C10orf67: variants seen among roughly 807,000 people sequenced by gnomAD.
C10orf67 encodes chromosome 10 open reading frame 67.
In C10orf67, 60 loss-of-function variants were observed where a neutral mutation model predicts 35.6. The ratio of observed to expected loss-of-function variants is 1.68; its 90% CI spans 1.37 to 2.09. C10orf67 has a LOEUF of 2.09. C10orf67 is among the 30% of genes most tolerant of loss of function. C10orf67 has a pLI of 0.00. For missense variants in C10orf67, 474 were observed against 330.2 expected (o/e 1.44, Z -3.38); for synonymous variants, 167 against 115.8 (o/e 1.44, Z -2.84).
At chr10:23,236,041 G>T (rs1842038112) in intron 13 of C10orf67, among the ~76,000 whole-genome samples, 1 of 151,964 alleles carries the variant, frequency 6.6e-6, no homozygotes, top group Admixed American at 6.6e-5. Flanking sequence ...AAGGTCAGGA[G>T]ATCGAGACCA....
chr10:23,282,955 CA>C (rs979150266), intron 7 of C10orf67, among the ~76,000 whole-genome samples: 39 of 140,830 alleles, frequency 2.8e-4, no homozygotes, highest in African/African-American at 8.1e-4. Context: ...GTTAATGGTA[CA>C]AAAAAAAAAC....
intron 10 of C10orf67, among the ~76,000 whole-genome samples, chr10:23,260,595 A>T (rs930859317): frequency 2.6e-5 from 4 of 152,218 alleles, no homozygotes; most frequent in African/African-American, 9.6e-5. Context: ...ATTGGAGAAG[A>T]TTATCCAAAG....
chr10:23,263,098 C>T (rs763978405), intron 10 of C10orf67, among the ~76,000 whole-genome samples: 27 of 152,166 alleles, frequency 1.8e-4, no homozygotes, highest in Admixed American at 9.8e-4. Flanking sequence ...ACTACATTGC[C>T]TAGCGCTGCC....
chr10:23,211,959 G>A (rs1841320763), intron 15 of C10orf67, among the ~76,000 whole-genome samples: 1 of 152,182 alleles, frequency 6.6e-6, no homozygotes, highest in Non-Finnish European at 1.5e-5. Context: ...GAATTGAATT[G>A]TGTCTCCCCA....
chr10:23,245,715 G>A (rs1406392103), intron 12 of C10orf67, among the ~76,000 whole-genome samples: 2 of 152,194 alleles, frequency 1.3e-5, no homozygotes, highest in Non-Finnish European at 2.9e-5. Flanking sequence ...AAGTGCTGGT[G>A]AGGATGTGGA....
At chr10:23,227,363 A>G (rs552612130) in intron 13 of C10orf67, among the ~76,000 whole-genome samples, 1 of 152,340 alleles carries the variant, frequency 6.6e-6, no homozygotes, top group East Asian at 1.9e-4. Flanking sequence ...TAGATGCAGA[A>G]AAGGCCTTTG....
intron 8 of C10orf67, among the ~76,000 whole-genome samples, chr10:23,270,412 C>T (rs536392128): frequency 1.3e-5 from 2 of 152,322 alleles, no homozygotes; most frequent in East Asian, 3.9e-4. Context: ...CACCAGGGCC[C>T]TGGGTCTGAT....
chr10:23,297,959 C>T (rs1317890279), intron 5 of C10orf67, among the ~76,000 whole-genome samples: 1 of 152,300 alleles, frequency 6.6e-6, no homozygotes, highest in Non-Finnish European at 1.5e-5. Context: ...TACCCGTAAA[C>T]AATGAGGCCA....
At chr10:23,231,909 T>C (rs1333305750) in intron 13 of C10orf67, among the ~76,000 whole-genome samples, 1 of 152,210 alleles carries the variant, frequency 6.6e-6, no homozygotes, top group African/African-American at 2.4e-5. Flanking sequence ...AATGTGTGCA[T>C]TTTTCATTTA....
chr10:23,259,985 A>C (rs1842704794), intron 10 of C10orf67, among the ~76,000 whole-genome samples: 1 of 152,186 alleles, frequency 6.6e-6, no homozygotes, highest in Non-Finnish European at 1.5e-5. Context: ...ATTGTAGATA[A>C]TGTTTAGGAG....
chr10:23,222,072 A>G (rs1479679908), intron 15 of C10orf67, among the ~76,000 whole-genome samples: 1 of 152,192 alleles, frequency 6.6e-6, no homozygotes, highest in African/African-American at 2.4e-5. Flanking sequence ...ATCATAAAAC[A>G]TATTTATATT....
rs1491126059 is a variant in C10orf67, at chr10:23,223,080, T to TC, written c.1570+517_1570+518insG. ...AGTCTCTGGTTTTGAAGTATAACTA[T>TC]TTTTTTTTTTAAATTTAAAGACAAG... On this transcript the variant is annotated intron_variant, in intron 15 of 15. Transcript: ENST00000636213. Among the ~76,000 whole-genome samples the TC allele has an allele frequency of 4.9e-5, 3 of 60,668 alleles. No individual in the cohort carries two copies. The African/African-American group carries it at 6.5e-4, about 13-fold the overall frequency. 39.8% of individuals were successfully genotyped at this position (60,668 alleles called of 152,430 possible). A position where few individuals can be genotyped will look rare whatever the true frequency, so the allele number is the denominator to read the frequency against.
At chr10:23,204,734 A>G (rs1265179771) in intron 15 of C10orf67, among the ~76,000 whole-genome samples, 1 of 152,176 alleles carries the variant, frequency 6.6e-6, no homozygotes, top group Non-Finnish European at 1.5e-5. Context: ...AGGAAACCAC[A>G]TTGGCCCTGG....
intron 12 of C10orf67, among the ~76,000 whole-genome samples, chr10:23,243,999 T>G (rs918182326): frequency 6.6e-6 from 1 of 152,154 alleles, no homozygotes; most frequent in African/African-American, 2.4e-5. Flanking sequence ...CCAGGCAATC[T>G]TCCTGCCTCA....
Position 23,217,211 on chromosome 10 carries a change from G to C in C10orf67, c.1570+6387C>G, listed in dbSNP as rs11013326. Among the ~76,000 whole-genome samples, 1,026 of 152,210 alleles carry C rather than the reference G, an allele frequency of 6.7e-3. 13 individuals carry two copies. Among genetic ancestry groups the C allele is most frequent in the African/African-American group, 0.024 (977 of 41,550 alleles). On this transcript the variant is annotated intron_variant, in intron 15 of 15. Transcript: ENST00000636213. ...GAACAAGCCAGGAATGTGATAAGCT[G>C]AAGATTGAAACCCAGTGACATTTGT...
At chr10:23,238,101 T>C (rs561354482) in intron 13 of C10orf67, among the ~76,000 whole-genome samples, 2 of 152,330 alleles carry the variant, frequency 1.3e-5, no homozygotes, top group African/African-American at 2.4e-5. Flanking sequence ...TGTCACCTCA[T>C]GGAATTTACA....
At chr10:23,235,361 G>A (rs1588600572) in intron 13 of C10orf67, among the ~76,000 whole-genome samples, 1 of 151,814 alleles carries the variant, frequency 6.6e-6, no homozygotes, top group East Asian at 1.9e-4. Context: ...GACCTTCAAG[G>A]GACACCATTC....
rs529820680 is a variant in C10orf67 at position 23,306,888 on chromosome 10, A to G, written c.547-3429T>C. On this transcript the variant is annotated intron_variant, in intron 4 of 15. Coordinates refer to ENST00000636213, the MANE Select transcript of C10orf67 (RefSeq NM_001371909.1). ...GTCAATTATACATCAGTAAAGCTGG[A>G]AAAAGGTAATAATAGTAAATCCTAA... 3.3e-5 allele frequency among the ~76,000 whole-genome samples: 5 copies of G among 152,312 alleles called. No homozygotes were observed. In the South Asian group the frequency reaches 1.0e-3, roughly 32 times the overall value.
chr10:23,313,920 T>C (rs1564505716), intron 4 of C10orf67, among the ~76,000 whole-genome samples: 2 of 151,910 alleles, frequency 1.3e-5, no homozygotes, highest in Non-Finnish European at 2.9e-5. Context: ...ACGATGGACT[T>C]AATGAAGACC....
Sources: allele counts gnomAD v4.1 joint callset (sites outside exome capture counted in the v4.1 genomes callset), GRCh38; gene constraint gnomAD v4.1.1; transcripts MANE v1.5; gene names NCBI Gene and HGNC (gene_info 2026-07-23, HGNC 2026-07-21).